MBOAT7: variants seen among roughly 807,000 people sequenced by gnomAD.
MBOAT7 encodes membrane bound acylglycerophosphatidylinositol O-acyltransferase MBOAT7.
MBOAT7 carries 40 observed loss-of-function variants against 47.4 expected under a neutral mutation model. That is an observed-to-expected ratio of 0.84 (90% CI 0.66 to 1.10). MBOAT7 has a LOEUF of 1.10. Ranked by LOEUF, MBOAT7 falls within the 50% of genes least tolerant of loss-of-function variation. The pLI, the probability that MBOAT7 is intolerant of heterozygous loss-of-function variation, is 0.00. For synonymous variants in MBOAT7, 361 were observed against 292.0 expected (o/e 1.24, Z -2.41); for missense variants, 680 against 655.6 (o/e 1.04, Z -0.41).
chr19:54,181,132 G>A lies in MBOAT7; in HGVS notation c.495C>T (p.Gly165=). The change falls in exon 6 of 8, where the codon GGC becomes GGT. Residue 165 remains glycine, a splice_region_variant and synonymous_variant. Transcript: ENST00000245615. The part of the protein sequence containing the change: ...YSYCYVGIMT[G]PFFRYRTYLD... ...GGTAGGTGCGGTAGCGGAAGAACGG[G>A]CCTGTGGGGCGGGGAGGGAGGGCCG... The A allele has an allele frequency of 6.8e-7, 1 of 1,467,450 alleles. No individual in the cohort carries two copies. Among genetic ancestry groups the A allele is most frequent in the Non-Finnish European group, 9.0e-7 (1 of 1,108,906 alleles). 90.9% of individuals were successfully genotyped at this position (1,467,450 alleles called of 1,614,324 possible). A position where few individuals can be genotyped will look rare whatever the true frequency, so the allele number is the denominator to read the frequency against.
At position 54,175,046 on chromosome 19, in the gene MBOAT7, G is replaced by A. The variant is rs1301751352; in HGVS notation, c.1032-615C>T. Among the ~76,000 whole-genome samples, 4 of 149,864 alleles carry A rather than the reference G, an allele frequency of 2.7e-5. No homozygotes were observed. The East Asian group carries it at 7.9e-4, about 30-fold the overall frequency. ...GCTAGAGTGCAGTGGCGCGATCTTGGCTCACTGCAAGCTCCGCCTCCCAGG... is the reference window on the plus strand; with the variant it reads ...GCTAGAGTGCAGTGGCGCGATCTTGACTCACTGCAAGCTCCGCCTCCCAGG... On this transcript the variant is annotated intron_variant, in intron 7 of 7. Coordinates refer to ENST00000245615, the MANE Select transcript of MBOAT7 (RefSeq NM_024298.5).
Position 54,187,302 on chromosome 19 carries a change from G to A in MBOAT7, c.207-15C>T. 1 of 1,601,518 alleles carries A rather than the reference G, an allele frequency of 6.2e-7. No individual in the cohort carries two copies. The highest frequency in any genetic ancestry group is 8.5e-7 in the Non-Finnish European group (1 of 1,174,170). ...CGTGGCAGGAGCTGGGCAAAAGCAG[G>A]AGGCGCACTGTGTTGGGCACAGAAG... On this transcript the variant is annotated splice_polypyrimidine_tract_variant and intron_variant, in intron 3 of 7. Coordinates refer to ENST00000245615, the MANE Select transcript of MBOAT7 (RefSeq NM_024298.5).
chr19:54,187,343 C>T (rs1865961), intron 3 of MBOAT7, 56 bp from the exon 4 acceptor site: 304,305 of 1,519,478 alleles, frequency 0.2, 33,601 homozygotes, highest in East Asian at 0.48. Context: ...GCCTTGGCCA[C>T]TCACTCCACG....
chr19:54,178,276 TG>T, intron 7 of MBOAT7: 2 of 996,972 alleles, frequency 2.0e-6, no homozygotes, highest in Non-Finnish European at 2.4e-6. Context: ...CGAGAAATAT[TG>T]GAAGAATGAA....
Position 54,180,664 on chromosome 19 carries a change from G to T in MBOAT7, c.854+109C>A, listed in dbSNP as rs546960600. On this transcript the variant is annotated intron_variant, in intron 6 of 7. Transcript: ENST00000245615. This position sits in a 1 kb window ranked among gnomAD's most constrained non-coding sequence, Gnocchi z 5.2. Reference sequence around the variant, plus strand: ...AGGGGGCGACACTCTGCTCAAAAAGGTGGTGGCCCTGGCCCCTTGCTCCCC... The same window carrying T: ...AGGGGGCGACACTCTGCTCAAAAAGTTGGTGGCCCTGGCCCCTTGCTCCCC... The T allele has an allele frequency of 9.4e-7, 1 of 1,061,776 alleles. No homozygotes were observed. The highest frequency in any genetic ancestry group is 1.3e-6 in the Non-Finnish European group (1 of 762,594). 65.8% of individuals were successfully genotyped at this position (1,061,776 alleles called of 1,614,324 possible). A position where few individuals can be genotyped will look rare whatever the true frequency, so the allele number is the denominator to read the frequency against.
Position 54,175,230 on chromosome 19 carries a change from G to C in MBOAT7, c.1032-799C>G, listed in dbSNP as rs537289317. On this transcript the variant is annotated intron_variant, in intron 7 of 7. Transcript: ENST00000245615. ...CCTGACCTCGTGATCTGCCCGCCTT[G>C]GCCTCCCAAAGTGCTGGGATCACAG... Among the ~76,000 whole-genome samples, 3 of 152,092 alleles carry C rather than the reference G, an allele frequency of 2.0e-5. No homozygotes were observed. The South Asian group carries it at 6.2e-4, about 31-fold the overall frequency.
At position 54,180,543 on chromosome 19, in the gene MBOAT7, CCA is replaced by C; in HGVS notation, c.854+228_854+229del. 2 of 529,524 alleles carry C rather than the reference CCA, an allele frequency of 3.8e-6. No homozygotes were observed. The highest frequency in any genetic ancestry group is 6.6e-6 in the Non-Finnish European group (2 of 303,220). The allele number at this position is 529,524 out of a possible 1,614,324, so 32.8% of individuals were successfully genotyped here. ...TTTCCTAGCGACAGGGGGCAGTTCA[CCA>C]CACTGCGGGGTGACAAGCGCTAGCA... On this transcript the variant is annotated intron_variant, in intron 6 of 7. Transcript: ENST00000245615. This position sits in a 1 kb window ranked among gnomAD's most constrained non-coding sequence, Gnocchi z 5.2.
chr19:54,178,347 T>G (rs927928761), intron 7 of MBOAT7: 3 of 1,077,712 alleles, frequency 2.8e-6, no homozygotes, highest in African/African-American at 1.7e-5. Flanking sequence ...TTAAATACAT[T>G]TCACATTTTA....
Position 54,180,035 on chromosome 19 carries a change from G to C in MBOAT7, c.854+738C>G, listed in dbSNP as rs963180403. The C allele has an allele frequency of 2.6e-5, 4 of 152,188 alleles. No homozygotes were observed. Among genetic ancestry groups the C allele is most frequent in the African/African-American group, 7.2e-5 (3 of 41,424 alleles). 9.4% of individuals were successfully genotyped at this position (152,188 alleles called of 1,614,324 possible). ...CGACTTGCCTAGCAATGCAGGTGCC[G>C]GGGGGTGGAGCCTCTCTGGCAACAA... On this transcript the variant is annotated intron_variant, in intron 6 of 7. Transcript: ENST00000245615. This position sits in a 1 kb window ranked among gnomAD's most constrained non-coding sequence, Gnocchi z 5.2.
At position 54,178,855 on chromosome 19, in the gene MBOAT7, C is replaced by T. The variant is rs377603361; in HGVS notation, c.941G>A (p.Arg314His). Residue 314 changes from arginine to histidine, a missense_variant, in exon 7 of 8, where the codon CGC (arginine) becomes CAC (histidine). Coordinates refer to ENST00000245615, the MANE Select transcript of MBOAT7 (RefSeq NM_024298.5). ...CATGTTCCAGTACCGCATGCCATCG[C>T]GCACCCGCACGCAGAAATCTGTGCT... ...CYSTDFCVRV[R>H]DGMRYWNMTV... 2.1e-5 allele frequency: 34 copies of T among 1,613,562 alleles called. No individual in the cohort carries two copies. The East Asian group carries it at 4.0e-4, about 19-fold the overall frequency.
At chr19:54,177,418 C>T (rs2076139013) in intron 7 of MBOAT7, among the ~76,000 whole-genome samples, 1 of 151,750 alleles carries the variant, frequency 6.6e-6, no homozygotes, top group Admixed American at 6.6e-5. Flanking sequence ...GCCTCAGCCT[C>T]CCCAGTAGCT....
intron 5 of MBOAT7, among the ~76,000 whole-genome samples, chr19:54,182,442 T>C (rs2076313355): frequency 6.6e-6 from 1 of 151,420 alleles, no homozygotes; most frequent in South Asian, 2.1e-4. Context: ...AACTACACAG[T>C]GGTCATGTCT....
At chr19:54,175,384 G>A (rs947799866) in intron 7 of MBOAT7, among the ~76,000 whole-genome samples, 3 of 152,132 alleles carry the variant, frequency 2.0e-5, no homozygotes, top group Non-Finnish European at 4.4e-5. Context: ...CAGAAGCCCT[G>A]GGGGTGGGGC....
intron 7 of MBOAT7, among the ~76,000 whole-genome samples, chr19:54,175,249 A>T (rs186516618): frequency 1.1e-4 from 16 of 152,286 alleles, no homozygotes; most frequent in African/African-American, 3.8e-4. Context: ...AAGTGCTGGG[A>T]TCACAGGTGT....
intron 5 of MBOAT7, among the ~76,000 whole-genome samples, chr19:54,182,412 T>A (rs1273476655): frequency 6.6e-6 from 1 of 151,974 alleles, no homozygotes; most frequent in East Asian, 1.9e-4. Context: ...CTTTGCAGGG[T>A]ATGAAACTGT....
chr19:54,180,890 T>C lies in MBOAT7; in HGVS notation c.737A>G (p.Tyr246Cys), dbSNP rs1424364728. The change falls in exon 6 of 8, where the codon TAC (tyrosine) becomes TGC (cysteine). Residue 246 changes from tyrosine to cysteine, a missense_variant. By Grantham distance (194) the Tyr-to-Cys change is radical (BLOSUM62 -2). Coordinates refer to ENST00000245615, the MANE Select transcript of MBOAT7 (RefSeq NM_024298.5). This position sits in a 1 kb window ranked among gnomAD's most constrained non-coding sequence, Gnocchi z 5.2. The stretch of plus-strand genomic sequence containing the variant: ...GCACTCGGCGGCAATCCAGGCCACG[T>C]AGAAGCGCATGCGGAAGGCGAAGAA... Reference protein sequence around the residue: ...PVFFAFRMRFYVAWIAAECGC... With the variant: ...PVFFAFRMRFCVAWIAAECGC... The C allele has an allele frequency of 1.9e-6, 3 of 1,596,022 alleles. No homozygotes were observed. The highest frequency in any genetic ancestry group is 1.3e-5 in the African/African-American group (1 of 74,776).
At chr19:54,182,712 A>G (rs1480274262) in intron 5 of MBOAT7, among the ~76,000 whole-genome samples, 1 of 152,042 alleles carries the variant, frequency 6.6e-6, no homozygotes, top group Non-Finnish European at 1.5e-5. Flanking sequence ...ATACATATGT[A>G]TTTTTTGAGA....
intron 5 of MBOAT7, 67 bp downstream of exon 5, chr19:54,183,454 C>T (rs1600664174): frequency 6.4e-7 from 1 of 1,558,528 alleles, no homozygotes; most frequent in African/African-American, 1.4e-5. Flanking sequence ...GAACACAGAA[C>T]AGGCACTCAG....
At chr19:54,178,089 T>C (rs1462692652) in intron 7 of MBOAT7, among the ~76,000 whole-genome samples, 1 of 151,342 alleles carries the variant, frequency 6.6e-6, no homozygotes, top group Admixed American at 6.6e-5. Flanking sequence ...TTTTTGTATT[T>C]TTAGTAGAGA....
Sources: allele counts gnomAD v4.1 joint callset (sites outside exome capture counted in the v4.1 genomes callset), GRCh38; gene constraint gnomAD v4.1.1; non-coding constraint Gnocchi (gnomAD v3.1); transcripts MANE v1.5; gene names NCBI Gene and HGNC (gene_info 2026-07-23, HGNC 2026-07-21).